COLEC11: variants seen among roughly 807,000 people sequenced by gnomAD.
COLEC11 encodes collectin subfamily member 11.
In COLEC11, 20 loss-of-function variants were observed where a neutral mutation model predicts 27.3. The ratio of observed to expected loss-of-function variants is 0.73; its 90% CI spans 0.51 to 1.06. The LOEUF is 1.06. Ranked by LOEUF, COLEC11 falls within the 50% of genes least tolerant of loss-of-function variation. COLEC11 has a pLI of 0.00. For missense variants in COLEC11, 310 were observed against 383.0 expected, an observed-to-expected ratio of 0.81 and a Z score of 1.59; for synonymous variants, 163 against 154.7, an observed-to-expected ratio of 1.05 and a Z score of -0.40.
intron 2 of COLEC11, among the ~76,000 whole-genome samples, chr2:3,609,825 C>T (rs1484621843): frequency 3.3e-5 from 5 of 152,154 alleles, no homozygotes; most frequent in African/African-American, 9.6e-5. Context: ...CCACCATGCC[C>T]AACCCCTGCT....
intron 5 of COLEC11, 83 bp downstream of exon 5, chr2:3,640,414 A>G (rs571574490): frequency 1.5e-4 from 116 of 794,592 alleles, no homozygotes; most frequent in Admixed American, 8.5e-4. Flanking sequence ...TACACCATGT[A>G]GATCCCACAG....
At chr2:3,643,616 C>A in intron 6 of COLEC11, 77 bp downstream of exon 6, 2 of 1,593,252 alleles carry the variant, frequency 1.3e-6, no homozygotes, top group South Asian at 2.2e-5. Context: ...AGGGCTCTGC[C>A]GTGCCCACGC....
Position 3,644,146 on chromosome 2 carries a change from G to C in COLEC11, c.*28G>C. On this transcript the variant is annotated 3_prime_UTR_variant, in exon 7 of 7. Coordinates refer to ENST00000349077, the MANE Select transcript of COLEC11 (RefSeq NM_024027.5). ...CTCAGGCTGGGGCTGCCCATTGGGG[G>C]CCCCACATGTCCCTGCAGGGTTGGC... 6.2e-7 allele frequency: 1 copy of C among 1,602,930 alleles called. No homozygotes were observed. The highest frequency in any genetic ancestry group is 8.5e-7 in the Non-Finnish European group (1 of 1,179,962).
intron 3 of COLEC11, among the ~76,000 whole-genome samples, chr2:3,620,715 T>C (rs1359875017): frequency 6.6e-6 from 1 of 152,220 alleles, no homozygotes; most frequent in African/African-American, 2.4e-5. Context: ...ATCTTTTTGC[T>C]GTAGCCCATA....
intron 3 of COLEC11, among the ~76,000 whole-genome samples, chr2:3,624,339 C>T (rs139555711): frequency 0.031 from 4,746 of 152,132 alleles, 112 homozygotes; most frequent in Middle Eastern, 0.068. Context: ...ACAGGAAAGG[C>T]GTCTCCATCA....
intron 3 of COLEC11, among the ~76,000 whole-genome samples, chr2:3,627,479 C>T (rs997325762): frequency 6.7e-6 from 1 of 148,748 alleles, no homozygotes; most frequent in Non-Finnish European, 1.5e-5. Flanking sequence ...ATGGAGGGCA[C>T]GATGAGCACG....
chr2:3,599,998 G>A lies in COLEC11; in HGVS notation c.-26-4317G>A, dbSNP rs574519433. Among the ~76,000 whole-genome samples the A allele has an allele frequency of 1.4e-4, 21 of 152,290 alleles. No homozygotes were observed. The East Asian group carries it at 3.7e-3, about 27-fold the overall frequency. On this transcript the variant is annotated intron_variant, in intron 1 of 6. Coordinates refer to ENST00000349077, the MANE Select transcript of COLEC11 (RefSeq NM_024027.5). ...AGCCTGTAATCGCAGCACTTTGGGA[G>A]GCCGAGGTGGGTGGATCATGAGGTC...
intron 5 of COLEC11, chr2:3,641,113 C>A (rs1001244009): frequency 4.8e-6 from 3 of 625,132 alleles, no homozygotes; most frequent in Non-Finnish European, 5.3e-6. Context: ...CGGTGGACAC[C>A]CACCCACCAT....
At chr2:3,638,110 C>T (rs551362019) in intron 4 of COLEC11, among the ~76,000 whole-genome samples, 22 of 152,332 alleles carry the variant, frequency 1.4e-4, no homozygotes, top group African/African-American at 3.8e-4. Flanking sequence ...TCTGCACCTG[C>T]GGGTTCTAAT....
At chr2:3,607,309 T>C (rs900310769) in intron 2 of COLEC11, among the ~76,000 whole-genome samples, 2 of 152,216 alleles carry the variant, frequency 1.3e-5, no homozygotes, top group South Asian at 2.1e-4. Flanking sequence ...CTCCTTTTAA[T>C]GGGAAAAAAG....
At chr2:3,596,519 G>A (rs914468832) in intron 1 of COLEC11, among the ~76,000 whole-genome samples, 2 of 151,970 alleles carry the variant, frequency 1.3e-5, no homozygotes, top group African/African-American at 4.8e-5. Context: ...GTACTTTTTA[G>A]TGGAGAGGGG....
chr2:3,595,160 C>A lies in COLEC11; in HGVS notation c.-35C>A. On this transcript the variant is annotated 5_prime_UTR_variant, in exon 1 of 7. Coordinates refer to ENST00000349077, the MANE Select transcript of COLEC11 (RefSeq NM_024027.5). ...GGCAGGACGCCCCGTTCGCCTAGCG[C>A]GTGCTCAGGTAGGAGACTCTGCCCG... 1 of 345,536 alleles carries A rather than the reference C, an allele frequency of 2.9e-6. No individual in the cohort carries two copies. The highest frequency in any genetic ancestry group is 5.8e-6 in the Non-Finnish European group (1 of 171,248). 21.4% of individuals were successfully genotyped at this position (345,536 alleles called of 1,614,324 possible). A position where few individuals can be genotyped will look rare whatever the true frequency, so the allele number is the denominator to read the frequency against.
At chr2:3,633,987 G>A (rs1425085996) in intron 3 of COLEC11, among the ~76,000 whole-genome samples, 2 of 152,306 alleles carry the variant, frequency 1.3e-5, no homozygotes, top group South Asian at 2.1e-4. Context: ...GCAGAAGCAC[G>A]GGGCTCACCT....
chr2:3,630,294 C>T (rs1664904892), intron 3 of COLEC11, among the ~76,000 whole-genome samples: 1 of 152,130 alleles, frequency 6.6e-6, no homozygotes, highest in South Asian at 2.1e-4. Flanking sequence ...GTGCATATGT[C>T]TGTATATAAT....
intron 4 of COLEC11, among the ~76,000 whole-genome samples, chr2:3,639,939 G>A (rs765127145): frequency 3.5e-4 from 53 of 152,078 alleles, no homozygotes; most frequent in Non-Finnish European, 6.0e-4. Context: ...AGAGAGGTCG[G>A]GTGCTGCTGT....
rs181471716 is a variant in COLEC11 at position 3,611,986 on chromosome 2, T to C, written c.131-1325T>C. 1.5e-3 allele frequency among the ~76,000 whole-genome samples: 226 copies of C among 147,044 alleles called. 3 individuals carry two copies. The highest frequency in any genetic ancestry group is 5.5e-4 in the Non-Finnish European group (37 of 67,572). ...CAAGAGTTATACTCTATATGCTCTCTCTATATATAGGGTTGTTTTGTATAT... is the reference window on the plus strand; with the variant it reads ...CAAGAGTTATACTCTATATGCTCTCCCTATATATAGGGTTGTTTTGTATAT... On this transcript the variant is annotated intron_variant, in intron 2 of 6. Transcript: ENST00000349077.
At chr2:3,601,527 C>G (rs1186137343) in intron 1 of COLEC11, among the ~76,000 whole-genome samples, 1 of 152,188 alleles carries the variant, frequency 6.6e-6, no homozygotes, top group Non-Finnish European at 1.5e-5. Flanking sequence ...CTCCTGGACT[C>G]AAGCAATCTG....
At chr2:3,640,113 G>T (rs1295151839) in intron 4 of COLEC11, among the ~76,000 whole-genome samples, 165 bp from the exon 5 acceptor site, 1 of 152,176 alleles carries the variant, frequency 6.6e-6, no homozygotes, top group Non-Finnish European at 1.5e-5. Context: ...CATAAATAGT[G>T]CCGGAAGCAG....
At chr2:3,641,050 C>G (rs1199103053) in intron 5 of COLEC11, among the ~76,000 whole-genome samples, 1 of 105,590 alleles carries the variant, frequency 9.5e-6, no homozygotes, top group Non-Finnish European at 2.0e-5. Context: ...ACGGTGGACA[C>G]CCACCCACCA....
Sources: gnomAD v4.1 joint callset for allele counts (sites outside exome capture counted in the v4.1 genomes callset) on GRCh38, gnomAD v4.1.1 for gene constraint, MANE v1.5 for transcripts, NCBI Gene and HGNC (gene_info 2026-07-23, HGNC 2026-07-21) for gene names.